Variants in HPSE2 observed in about 807,000 individuals in gnomAD.
The protein encoded by HPSE2 is inactive heparanase-2.
HPSE2 carries 38 observed loss-of-function variants against 60.5 expected under a neutral mutation model. The ratio of observed to expected loss-of-function variants is 0.63; its 90% CI spans 0.48 to 0.82. The LOEUF (loss-of-function observed/expected upper bound fraction) is 0.82. HPSE2 is among the 40% of genes least tolerant of loss of function. The pLI, the probability that HPSE2 is intolerant of heterozygous loss-of-function variation, is 0.00. For synonymous variants in HPSE2, 295 were observed against 293.2 expected (o/e 1.01, Z -0.06); for missense variants, 713 against 740.4 (o/e 0.96, Z 0.43).
chr10:98,544,257 A>C (rs529270538), intron 9 of HPSE2, among the ~76,000 whole-genome samples: 1 of 152,386 alleles, frequency 6.6e-6, no homozygotes, highest in South Asian at 2.1e-4. Flanking sequence ...ATGAAGGCAG[A>C]AATAAAGATA....
chr10:98,488,597 G>A (rs75194783), intron 10 of HPSE2, among the ~76,000 whole-genome samples: 4,434 of 152,276 alleles, frequency 0.029, 223 homozygotes, highest in African/African-American at 0.1. Flanking sequence ...TCAGATTAGC[G>A]GTATAAAGAC....
intron 9 of HPSE2, among the ~76,000 whole-genome samples, chr10:98,584,005 T>A (rs1944872724): frequency 6.6e-6 from 1 of 152,162 alleles, no homozygotes; most frequent in Non-Finnish European, 1.5e-5. Flanking sequence ...TGTTTTTAAT[T>A]CTCTTGGGTA....
At chr10:99,311,875 T>C in the HPSE2 span, among the ~76,000 whole-genome samples, 2 of 152,168 alleles carry the variant, frequency 1.3e-5, no homozygotes, top group African/African-American at 4.8e-5. Context: ...TGAAGGAAAT[T>C]AAAAGTGCTA....
chr10:99,188,302 C>A (rs1158369505), intron 2 of HPSE2, among the ~76,000 whole-genome samples: 2 of 152,014 alleles, frequency 1.3e-5, no homozygotes, highest in Non-Finnish European at 2.9e-5. Flanking sequence ...GACTGTAAAG[C>A]GGCAAGAAGA....
chr10:98,856,582 G>GC (rs1952320775), intron 3 of HPSE2, among the ~76,000 whole-genome samples: 1 of 152,040 alleles, frequency 6.6e-6, no homozygotes, highest in Non-Finnish European at 1.5e-5. Context: ...CTGGAAGAAA[G>GC]AATTGTTAAC....
chr10:99,241,271 C>CA, the HPSE2 span, among the ~76,000 whole-genome samples: 46 of 151,794 alleles, frequency 3.0e-4, no homozygotes, highest in Middle Eastern at 3.4e-3. Flanking sequence ...AAAACAACAA[C>CA]AAAAAAAACC....
chr10:99,196,966 A>G (rs1848420572), intron 2 of HPSE2, among the ~76,000 whole-genome samples: 1 of 152,206 alleles, frequency 6.6e-6, no homozygotes, highest in Admixed American at 6.5e-5. Flanking sequence ...ATTTGGAATC[A>G]ACCTAAGTAT....
intron 3 of HPSE2, among the ~76,000 whole-genome samples, chr10:98,802,737 T>G (rs1488270191): frequency 5.4e-5 from 8 of 147,856 alleles, no homozygotes; most frequent in African/African-American, 1.5e-4. Context: ...ACATTTGGGT[T>G]GGTTCCAAGT....
chr10:98,841,473 A>T (rs983443721), intron 3 of HPSE2, among the ~76,000 whole-genome samples: 6 of 152,182 alleles, frequency 3.9e-5, no homozygotes, highest in Non-Finnish European at 7.3e-5. Flanking sequence ...TAGCTTTATT[A>T]AAAAAAGGTA....
chr10:98,732,601 G>A (rs1404449226), intron 4 of HPSE2, among the ~76,000 whole-genome samples: 1 of 152,030 alleles, frequency 6.6e-6, no homozygotes, highest in Non-Finnish European at 1.5e-5. Context: ...CTAATTTATA[G>A]CCTTACTTCA....
intron 3 of HPSE2, among the ~76,000 whole-genome samples, chr10:99,012,602 TAAATC>T (rs1350920349): frequency 2.0e-5 from 3 of 152,192 alleles, no homozygotes; most frequent in Admixed American, 6.5e-5. Context: ...CTTTAGAACT[TAAATC>T]AAAGCCATTA....
intron 3 of HPSE2, among the ~76,000 whole-genome samples, chr10:98,925,236 G>C (rs565792109): frequency 7.2e-5 from 11 of 152,258 alleles, no homozygotes; most frequent in Admixed American, 7.2e-4. Flanking sequence ...TTTGTGATGG[G>C]GCTTTTCTGT....
chr10:98,693,749 C>T lies in HPSE2; in HGVS notation c.1004+151G>A. The T allele has an allele frequency of 4.2e-6, 3 of 721,288 alleles. No homozygotes were observed. In the East Asian group the frequency reaches 7.6e-5, roughly 18 times the overall value. The allele number at this position is 721,288 out of a possible 1,614,324, so 44.7% of individuals were successfully genotyped here. On this transcript the variant is annotated intron_variant, in intron 6 of 11. Coordinates refer to ENST00000370552, the MANE Select transcript of HPSE2 (RefSeq NM_021828.5). ...TTATAGTACTATGAGACAGTATGTG[C>T]CATAAAAACAACTTTGGAGTTACTT...
chr10:99,096,782 G>A (rs549767326), intron 3 of HPSE2, among the ~76,000 whole-genome samples: 27 of 152,188 alleles, frequency 1.8e-4, no homozygotes, highest in Non-Finnish European at 3.4e-4. Context: ...AGGAAAGAAT[G>A]AGAAGGTAAC....
intron 3 of HPSE2, among the ~76,000 whole-genome samples, chr10:98,774,683 G>A (rs1565154146): frequency 6.6e-6 from 1 of 152,164 alleles, no homozygotes; most frequent in Non-Finnish European, 1.5e-5. Context: ...GAAATCAGGT[G>A]TTGCTTTCCC....
rs1845713140 is a variant in HPSE2 at position 99,137,710 on chromosome 10, C to G, written c.610+6528G>C. Among the ~76,000 whole-genome samples the G allele has an allele frequency of 2.6e-5, 4 of 152,112 alleles. No individual in the cohort carries two copies. In the South Asian group the frequency reaches 8.3e-4, roughly 32 times the overall value. On this transcript the variant is annotated intron_variant, in intron 3 of 11. Transcript: ENST00000370552. Reference sequence around the variant, plus strand: ...CATATGCATAAAACTGAAACTGGACCCCTTACTTACACCTTATACAAAAAT... The same window carrying G: ...CATATGCATAAAACTGAAACTGGACGCCTTACTTACACCTTATACAAAAAT...
chr10:99,090,094 T>C (rs1258782160), intron 3 of HPSE2, among the ~76,000 whole-genome samples: 1 of 152,090 alleles, frequency 6.6e-6, no homozygotes, highest in Non-Finnish European at 1.5e-5. Context: ...GGGTTTTCCA[T>C]ATACAATCAT....
chr10:98,988,464 C>T (rs1243421248), intron 3 of HPSE2, among the ~76,000 whole-genome samples: 5 of 151,400 alleles, frequency 3.3e-5, no homozygotes, highest in African/African-American at 4.8e-5. Flanking sequence ...GAAACTGGAT[C>T]CCTTCCTTAC....
chr10:98,769,978 C>G (rs772406253), intron 3 of HPSE2, among the ~76,000 whole-genome samples: 4 of 152,262 alleles, frequency 2.6e-5, no homozygotes, highest in Middle Eastern at 3.4e-3. Flanking sequence ...TTTGAAGAGT[C>G]TATCTAAAAG....
Sources: gnomAD v4.1 joint callset for allele counts (sites outside exome capture counted in the v4.1 genomes callset) on GRCh38, gnomAD v4.1.1 for gene constraint, MANE v1.5 for transcripts, NCBI Gene and HGNC (gene_info 2026-07-23, HGNC 2026-07-21) for gene names.